Variants in POP4 observed in about 807,000 individuals in gnomAD.
POP4 encodes the protein POP4 ribonuclease P/MRP subunit, also known as ribonuclease P protein subunit p29.
In POP4, 31 loss-of-function variants were observed where a neutral mutation model predicts 29.9. That is an observed-to-expected ratio of 1.04 (90% CI 0.78 to 1.40). The LOEUF (loss-of-function observed/expected upper bound fraction) is 1.40, where lower values mean the gene tolerates loss of function less well. Ranked by LOEUF, POP4 falls within the 40% of genes most tolerant of loss-of-function variation. The pLI, the probability that POP4 is intolerant of heterozygous loss-of-function variation, is 0.00. For synonymous variants in POP4, 110 were observed against 108.2 expected (o/e 1.02, Z -0.10); for missense variants, 286 against 282.7 (o/e 1.01, Z -0.08).
Position 29,610,641 on chromosome 19 carries a change from A to T in POP4, c.284+9A>T. ...AAACCAGAGCAGCAGAGGTAACCCG[A>T]GCTCCCCACGTCTTTCTGCCCGCGG... On this transcript the variant is annotated intron_variant, in intron 3 of 6. Coordinates refer to ENST00000585603, the MANE Select transcript of POP4 (RefSeq NM_006627.3). 6.2e-7 allele frequency: 1 copy of T among 1,612,054 alleles called. No individual in the cohort carries two copies. The highest frequency in any genetic ancestry group is 8.5e-7 in the Non-Finnish European group (1 of 1,179,288).
chr19:29,615,403 T>G lies in POP4; in HGVS notation c.*23T>G, dbSNP rs1178410464. 1.2e-6 allele frequency: 2 copies of G among 1,606,242 alleles called. No individual in the cohort carries two copies. Among genetic ancestry groups the G allele is most frequent in the Admixed American group, 1.7e-5 (1 of 58,732 alleles). On this transcript the variant is annotated 3_prime_UTR_variant, in exon 7 of 7. Transcript: ENST00000585603. ...TGAATTCTTTGCCGTCTAAGGCAGT[T>G]GTTTATGACAGCTGAAAACTGGACA...
chr19:29,610,326 C>T (rs1971048556), intron 2 of POP4, 83 bp from the exon 3 acceptor site: 1 of 1,312,722 alleles, frequency 7.6e-7, no homozygotes, highest in African/African-American at 1.5e-5. Context: ...GCAGTAGCTG[C>T]CGGGAATGGC....
chr19:29,615,077 A>G (rs1337091885), intron 6 of POP4, among the ~76,000 whole-genome samples, 167 bp from the exon 7 acceptor site: 2 of 152,154 alleles, frequency 1.3e-5, no homozygotes, highest in Admixed American at 1.3e-4. Context: ...CTGTGGCAGA[A>G]TAACCACAGG....
chr19:29,614,404 T>A (rs1367041980), intron 6 of POP4, among the ~76,000 whole-genome samples: 2 of 152,222 alleles, frequency 1.3e-5, no homozygotes, highest in Non-Finnish European at 2.9e-5. Context: ...TGGCCAGCAT[T>A]GCTCTAGCAG....
At chr19:29,612,966 G>A (rs535630062) in intron 5 of POP4, among the ~76,000 whole-genome samples, 2 of 152,278 alleles carry the variant, frequency 1.3e-5, no homozygotes, top group East Asian at 3.9e-4. Context: ...GAGTAAACCT[G>A]CCTCCTTGCT....
Position 29,610,426 on chromosome 19 carries a change from G to A in POP4, c.78G>A (p.Arg26=). 6.4e-7 allele frequency: 1 copy of A among 1,568,686 alleles called. No homozygotes were observed. Among genetic ancestry groups the A allele is most frequent in the Non-Finnish European group, 8.6e-7 (1 of 1,157,140 alleles). ...DSDVQPSGAQ[R]AEAFVRAFLK... Reference sequence around the variant, plus strand: ...GCCTGCAGCCTTCAGGAGCACAGCGGGCCGAGGCCTTCGTGAGGGCCTTCC... The same window carrying A: ...GCCTGCAGCCTTCAGGAGCACAGCGAGCCGAGGCCTTCGTGAGGGCCTTCC... The change falls in exon 3 of 7, where the codon CGG becomes CGA. Residue 26 remains arginine, a synonymous_variant. Transcript: ENST00000585603.
At position 29,614,953 on chromosome 19, in the gene POP4, GA is replaced by G. The variant is rs1243711925; in HGVS notation, c.527-287del. ...GGAGCCCATCTGAAAGTTAATGTGG[GA>G]AAACCAGTTTCTGGCAGGTGTTCTG... On this transcript the variant is annotated intron_variant, in intron 6 of 6. Transcript: ENST00000585603. Among the ~76,000 whole-genome samples, 4 of 152,254 alleles carry G rather than the reference GA, an allele frequency of 2.6e-5. No homozygotes were observed. The East Asian group carries it at 7.7e-4, about 29-fold the overall frequency.
chr19:29,612,068 T>G, intron 4 of POP4, 49 bp from the exon 5 acceptor site: 1 of 1,591,708 alleles, frequency 6.3e-7, no homozygotes, highest in Non-Finnish European at 8.5e-7. Flanking sequence ...TTGCTTCTTT[T>G]GGAACTTTTT....
intron 3 of POP4, 33 bp downstream of exon 3, chr19:29,610,665 G>A (rs761083306): frequency 9.4e-6 from 15 of 1,599,748 alleles, no homozygotes; most frequent in South Asian, 1.1e-5. Flanking sequence ...TTCTGCCCGC[G>A]GTGCTTACCC....
Position 29,608,262 on chromosome 19 carries a change from C to CTTT in POP4, c.8-375_8-373dup, listed in dbSNP as rs1164860504. ...TAGTTATTTTCTTTTCTTTTCTTTT[C>CTTT]TTTTTTTTTTTTTTTTTTTTTTGAG... On this transcript the variant is annotated intron_variant, in intron 1 of 6. Transcript: ENST00000585603. Among the ~76,000 whole-genome samples, 686 of 86,554 alleles carry CTTT rather than the reference C, an allele frequency of 7.9e-3. 13 individuals are homozygous for CTTT. Among genetic ancestry groups the CTTT allele is most frequent in the African/African-American group, 0.018 (348 of 19,412 alleles). 56.8% of individuals were successfully genotyped at this position (86,554 alleles called of 152,430 possible).
intron 1 of POP4, among the ~76,000 whole-genome samples, chr19:29,608,035 C>G (rs904168262): frequency 1.3e-5 from 2 of 152,128 alleles, no homozygotes; most frequent in African/African-American, 2.4e-5. Flanking sequence ...GACCAATAAT[C>G]TGCATTTTAA....
Position 29,616,881 on chromosome 19 carries a change from C to T in POP4, c.*1501C>T, listed in dbSNP as rs932865132. ...GACTGCCTTGTGGTGTGGCCGTCCT[C>T]ATCTGCCACAGGAAGACAGACTTCG... On this transcript the variant is annotated 3_prime_UTR_variant, in exon 7 of 7. Coordinates refer to ENST00000585603, the MANE Select transcript of POP4 (RefSeq NM_006627.3). 13 of 152,344 alleles carry T rather than the reference C, an allele frequency of 8.5e-5. No individual in the cohort carries two copies. The highest frequency in any genetic ancestry group is 3.1e-4 in the African/African-American group (13 of 41,468). The allele number at this position is 152,344 out of a possible 1,614,324, so 9.4% of individuals were successfully genotyped here.
rs184126981 is a variant in POP4, at chr19:29,611,599, C to T, written c.285-263C>T. Reference sequence around the variant, plus strand: ...ATAACAGTAGCTTCAACAAGACTCACGTTTATTTCTCTCTCATGAAAAGAA... The same window carrying T: ...ATAACAGTAGCTTCAACAAGACTCATGTTTATTTCTCTCTCATGAAAAGAA... On this transcript the variant is annotated intron_variant, in intron 3 of 6. Transcript: ENST00000585603. 1.2e-3 allele frequency: 499 copies of T among 416,932 alleles called. 8 individuals are homozygous for T. The highest frequency in any genetic ancestry group is 1.2e-3 in the Non-Finnish European group (282 of 231,070). The allele number at this position is 416,932 out of a possible 1,614,324, so 25.8% of individuals were successfully genotyped here.
chr19:29,610,726 C>A, intron 3 of POP4, 94 bp downstream of exon 3: 1 of 1,293,312 alleles, frequency 7.7e-7, no homozygotes, highest in Non-Finnish European at 1.1e-6. Flanking sequence ...CCTGGCTCCA[C>A]CTAAGCTAAG....
At position 29,616,185 on chromosome 19, in the gene POP4, C is replaced by G. The variant is rs1971129248; in HGVS notation, c.*805C>G. On this transcript the variant is annotated 3_prime_UTR_variant, in exon 7 of 7. Transcript: ENST00000585603. ...AAAGCCAAGCCAGCAGCATTGACGC[C>G]CTTTGATATCTTCGCCATTTTTGCT... The G allele has an allele frequency of 6.6e-6, 1 of 152,232 alleles. No homozygotes were observed. The highest frequency in any genetic ancestry group is 2.1e-4 in the South Asian group (1 of 4,828). The allele number at this position is 152,232 out of a possible 1,614,324, so 9.4% of individuals were successfully genotyped here.
At chr19:29,615,100 C>T in intron 6 of POP4, 144 bp from the exon 7 acceptor site, 1 of 973,996 alleles carries the variant, frequency 1.0e-6, no homozygotes, top group Non-Finnish European at 1.4e-6. Context: ...ACCCTAATGC[C>T]CCTCCCCTTG....
Position 29,614,503 on chromosome 19 carries a change from A to ATTTTTTTTTTTTTTTTTTT in POP4, c.526+536_526+537insTTTTTTTTTTTTTTTTTTT, listed in dbSNP as rs753589513. 2.4e-5 allele frequency among the ~76,000 whole-genome samples: 2 copies of ATTTTTTTTTTTTTTTTTTT among 83,616 alleles called. 1 individual carries two copies. 54.9% of individuals were successfully genotyped at this position (83,616 alleles called of 152,430 possible). On this transcript the variant is annotated intron_variant, in intron 6 of 6. Coordinates refer to ENST00000585603, the MANE Select transcript of POP4 (RefSeq NM_006627.3). ...ATAGTTAGAAGGTTTTGTTCCTTTAATTTTTCTTTTTTTTTTTTTTGGAGA... is the reference window on the plus strand; with the variant it reads ...ATAGTTAGAAGGTTTTGTTCCTTTAATTTTTTTTTTTTTTTTTTTTTTTTCTTTTTTTTTTTTTTGGAGA...
At chr19:29,609,650 T>C (rs908902549) in intron 2 of POP4, among the ~76,000 whole-genome samples, 1 of 151,364 alleles carries the variant, frequency 6.6e-6, no homozygotes, top group Non-Finnish European at 1.5e-5. Flanking sequence ...TGTTTGTTTG[T>C]TTGTTTGAGA....
intron 3 of POP4, 124 bp downstream of exon 3, chr19:29,610,756 C>A: frequency 2.1e-6 from 2 of 959,994 alleles, no homozygotes; most frequent in Non-Finnish European, 3.1e-6. Context: ...CTGTCGTCTG[C>A]CACAAGAGGG....
Sources: allele counts gnomAD v4.1 joint callset (sites outside exome capture counted in the v4.1 genomes callset), GRCh38; gene constraint gnomAD v4.1.1; transcripts MANE v1.5; gene names NCBI Gene and HGNC (gene_info 2026-07-23, HGNC 2026-07-21).